LSAMP: variants seen among roughly 807,000 people sequenced by gnomAD.
The protein encoded by LSAMP is limbic system associated membrane protein, also known as limbic system-associated membrane protein.
A neutral mutation model predicts 38.6 loss-of-function variants in LSAMP; 7 were observed. That is an observed-to-expected ratio of 0.18 (90% CI 0.10 to 0.34). The LOEUF is 0.34. LSAMP is among the 10% of genes least tolerant of loss of function. The probability of loss-of-function intolerance (pLI) is 1.00; values close to 1 mark genes in which losing one functional copy is unlikely to be tolerated. For synonymous variants in LSAMP, 154 were observed against 166.8 expected, an observed-to-expected ratio of 0.92 and a Z score of 0.59; for missense variants, 313 against 420.0, an observed-to-expected ratio of 0.75 and a Z score of 2.23.
chr3:115,893,903 A>G (rs546809460), intron 3 of LSAMP, among the ~76,000 whole-genome samples: 1 of 151,918 alleles, frequency 6.6e-6, no homozygotes, highest in Admixed American at 6.6e-5. Flanking sequence ...ATCAACATGC[A>G]TACTCCGTAG....
At chr3:116,195,187 C>T (rs1710854250) in intron 1 of LSAMP, among the ~76,000 whole-genome samples, 1 of 152,178 alleles carries the variant, frequency 6.6e-6, no homozygotes, top group African/African-American at 2.4e-5. Context: ...CCCAATTCCC[C>T]TCCTTTGTCT....
chr3:116,306,967 A>T (rs964934234), intron 1 of LSAMP, among the ~76,000 whole-genome samples: 1 of 151,918 alleles, frequency 6.6e-6, no homozygotes, highest in Admixed American at 6.6e-5. Context: ...TGTCAATCTA[A>T]AGTAAGAGTG....
chr3:116,162,733 T>C (rs73140930), intron 1 of LSAMP, among the ~76,000 whole-genome samples: 1,603 of 147,956 alleles, frequency 0.011, 23 homozygotes, highest in Non-Finnish European at 0.014. Flanking sequence ...TGTGAGAGTG[T>C]GTGTGTATAT....
At chr3:115,890,698 A>T (rs762166619) in intron 3 of LSAMP, among the ~76,000 whole-genome samples, 8 of 151,948 alleles carry the variant, frequency 5.3e-5, no homozygotes, top group Non-Finnish European at 1.0e-4. Context: ...CCTCAGTAAA[A>T]GATGTAGCCA....
chr3:115,929,198 C>A (rs1211608868), intron 3 of LSAMP, among the ~76,000 whole-genome samples: 1 of 151,742 alleles, frequency 6.6e-6, no homozygotes, highest in African/African-American at 2.4e-5. Flanking sequence ...GATAGGAAGA[C>A]TAGTCAAAAC....
chr3:115,920,152 A>G (rs1056450842), intron 3 of LSAMP, among the ~76,000 whole-genome samples: 3 of 152,238 alleles, frequency 2.0e-5, no homozygotes, highest in Admixed American at 6.5e-5. Context: ...ACATGGCAGT[A>G]GAGATATCTC....
Position 116,241,176 on chromosome 3 carries a change from TA to T in LSAMP, c.156-154621del, listed in dbSNP as rs201810354. ...TGGGTAACAAGTGTGAAACTCCATT[TA>T]AAAAAAAAAAAAAAACTTGCAGATA... On this transcript the variant is annotated intron_variant, in intron 1 of 6. Transcript: ENST00000490035. 7.1e-3 allele frequency among the ~76,000 whole-genome samples: 987 copies of T among 138,246 alleles called. 2 individuals are homozygous for T. The highest frequency in any genetic ancestry group is 0.012 in the African/African-American group (470 of 38,038). The allele number at this position is 138,246 out of a possible 152,430, so 90.7% of individuals were successfully genotyped here. A position where few individuals can be genotyped will look rare whatever the true frequency, so the allele number is the denominator to read the frequency against.
chr3:116,389,336 T>G (rs920273762), intron 1 of LSAMP, among the ~76,000 whole-genome samples: 2 of 152,146 alleles, frequency 1.3e-5, no homozygotes, highest in African/African-American at 4.8e-5. Context: ...AGAGTCGTGT[T>G]AAGAACAGAA....
At chr3:116,232,699 C>CTTTTTTTTTTTTTTTTTTTTTCTTTTT (rs1219296323) in intron 1 of LSAMP, among the ~76,000 whole-genome samples, 1 of 99,448 alleles carries the variant, frequency 1.0e-5, no homozygotes, top group Non-Finnish European at 2.1e-5. Context: ...TTCTTTCTTT[C>CTTTTTTTTTTTTTTTTTTTTTCTTTTT]TTTTTTTTTT....
chr3:116,395,862 A>G (rs1454573778), intron 1 of LSAMP, among the ~76,000 whole-genome samples: 1 of 152,166 alleles, frequency 6.6e-6, no homozygotes, highest in African/African-American at 2.4e-5. Flanking sequence ...CTAGAGCAAA[A>G]AGATATATAT....
In LSAMP at chr3:115,851,760, T is replaced by C. The variant is rs1935337315; in HGVS notation, c.649+723A>G. On this transcript the variant is annotated intron_variant, in intron 4 of 6. Coordinates refer to ENST00000490035, the MANE Select transcript of LSAMP (RefSeq NM_002338.5). Reference sequence around the variant, plus strand: ...GAACTTGAATTTGAATGATGCAGAGTCAGTGCTAACTGAACAGGGTAAACG... The same window carrying C: ...GAACTTGAATTTGAATGATGCAGAGCCAGTGCTAACTGAACAGGGTAAACG... Among the ~76,000 whole-genome samples, 3 of 152,114 alleles carry C rather than the reference T, an allele frequency of 2.0e-5. No homozygotes were observed. In the South Asian group the frequency reaches 6.2e-4, roughly 32 times the overall value.
At chr3:116,142,508 G>C (rs1358700238) in intron 1 of LSAMP, among the ~76,000 whole-genome samples, 1 of 151,964 alleles carries the variant, frequency 6.6e-6, no homozygotes, top group Non-Finnish European at 1.5e-5. Flanking sequence ...TCCATGTTGG[G>C]ACAGATCCAA....
At chr3:116,188,887 T>C (rs1710688029) in intron 1 of LSAMP, among the ~76,000 whole-genome samples, 1 of 152,196 alleles carries the variant, frequency 6.6e-6, no homozygotes, top group African/African-American at 2.4e-5. Flanking sequence ...GATTGACCAT[T>C]GATTAAAAAT....
chr3:116,398,918 G>C (rs2048805177), intron 1 of LSAMP, among the ~76,000 whole-genome samples: 1 of 152,188 alleles, frequency 6.6e-6, no homozygotes, highest in Non-Finnish European at 1.5e-5. Flanking sequence ...AAGAGAACTG[G>C]TGGGTTAGGG....
At chr3:116,428,370 A>C (rs971066182) in intron 1 of LSAMP, among the ~76,000 whole-genome samples, 6 of 152,122 alleles carry the variant, frequency 3.9e-5, no homozygotes, top group Non-Finnish European at 8.8e-5. Context: ...AGGCAGGAGA[A>C]TTGCTTGAAC....
At chr3:116,202,771 A>G (rs1158935537) in intron 1 of LSAMP, among the ~76,000 whole-genome samples, 2 of 152,154 alleles carry the variant, frequency 1.3e-5, no homozygotes, top group Non-Finnish European at 2.9e-5. Flanking sequence ...TAGTTCCAGT[A>G]ACTCCTACTC....
chr3:115,990,235 T>C (rs566434372), intron 3 of LSAMP, among the ~76,000 whole-genome samples: 1 of 152,114 alleles, frequency 6.6e-6, no homozygotes, highest in Non-Finnish European at 1.5e-5. Context: ...TACGCATCTT[T>C]AGGGTTTCAT....
chr3:115,834,094 A>G (rs1934706196), intron 6 of LSAMP, among the ~76,000 whole-genome samples: 1 of 152,174 alleles, frequency 6.6e-6, no homozygotes. Context: ...CATCTTTGTT[A>G]TAATCCGGTT....
chr3:116,344,743 T>A (rs1280169487), intron 1 of LSAMP, among the ~76,000 whole-genome samples: 2 of 152,184 alleles, frequency 1.3e-5, no homozygotes, highest in African/African-American at 4.8e-5. Flanking sequence ...GGTTAAGTAT[T>A]ATTACCCTAA....
Sources: gnomAD v4.1 joint callset for allele counts (sites outside exome capture counted in the v4.1 genomes callset) on GRCh38, gnomAD v4.1.1 for gene constraint, MANE v1.5 for transcripts, NCBI Gene and HGNC (gene_info 2026-07-23, HGNC 2026-07-21) for gene names.